PRORP: variants seen among roughly 807,000 people sequenced by gnomAD.
The protein encoded by PRORP is mitochondrial ribonuclease P catalytic subunit.
In PRORP, 51 loss-of-function variants were observed where a neutral mutation model predicts 59.4. That is an observed-to-expected ratio of 0.86 (90% confidence interval 0.69 to 1.08). The LOEUF is 1.08. Ranked by LOEUF, PRORP falls within the 50% of genes least tolerant of loss-of-function variation. The probability of loss-of-function intolerance (pLI) is 0.00; values close to 1 mark genes in which losing one functional copy is unlikely to be tolerated. For missense variants in PRORP, 646 were observed against 690.3 expected, an observed-to-expected ratio of 0.94 and a Z score of 0.72; for synonymous variants, 231 against 245.6, an observed-to-expected ratio of 0.94 and a Z score of 0.55.
intron 6 of PRORP, among the ~76,000 whole-genome samples, chr14:35,267,698 G>A (rs1182014065): frequency 1.3e-5 from 2 of 151,838 alleles, no homozygotes; most frequent in African/African-American, 2.4e-5. Flanking sequence ...GGAGAATGGC[G>A]TGAACCCGGG....
At chr14:35,254,454 G>A (rs145942343) in intron 5 of PRORP, among the ~76,000 whole-genome samples, 6 of 152,208 alleles carry the variant, frequency 3.9e-5, no homozygotes, top group African/African-American at 9.6e-5. Flanking sequence ...GTGCAATGAC[G>A]CAATCTCAGC....
rs530249100 is a variant in PRORP at position 35,223,060 on chromosome 14, C to T, written c.1275+42283C>T. Among the ~76,000 whole-genome samples the T allele has an allele frequency of 9.2e-5, 14 of 152,228 alleles. No homozygotes were observed. In the South Asian group the frequency reaches 2.7e-3, roughly 29 times the overall value. Reference sequence around the variant, plus strand: ...CAGGCTTCCTTTGCTATTACAACACCGAAGCTAACTAGCATACTGTCTTCT... The same window carrying T: ...CAGGCTTCCTTTGCTATTACAACACTGAAGCTAACTAGCATACTGTCTTCT... On this transcript the variant is annotated intron_variant, in intron 5 of 7. Coordinates refer to ENST00000534898, the MANE Select transcript of PRORP (RefSeq NM_014672.4).
At chr14:35,179,218 C>G (rs547968710) in intron 4 of PRORP, among the ~76,000 whole-genome samples, 2 of 152,238 alleles carry the variant, frequency 1.3e-5, no homozygotes, top group East Asian at 1.9e-4. Context: ...AATTATGTAT[C>G]TTGGAGTTGC....
chr14:35,200,661 A>G (rs1344956720), intron 5 of PRORP, among the ~76,000 whole-genome samples: 1 of 151,540 alleles, frequency 6.6e-6, no homozygotes, highest in Non-Finnish European at 1.5e-5. Flanking sequence ...AGAAAATTAT[A>G]TATATGTTAT....
At chr14:35,230,458 G>A (rs2050048837) in intron 5 of PRORP, among the ~76,000 whole-genome samples, 1 of 152,330 alleles carries the variant, frequency 6.6e-6, no homozygotes, top group South Asian at 2.1e-4. Flanking sequence ...ATATCTTTGA[G>A]CGGGAGAAAG....
At chr14:35,125,820 G>C (rs997780953) in intron 2 of PRORP, among the ~76,000 whole-genome samples, 1 of 152,104 alleles carries the variant, frequency 6.6e-6, no homozygotes, top group East Asian at 1.9e-4. Context: ...CCAGGAGTTG[G>C]AGACCAGCCT....
chr14:35,128,378 C>G (rs1451957273), intron 4 of PRORP, among the ~76,000 whole-genome samples: 1 of 150,100 alleles, frequency 6.7e-6, no homozygotes, highest in Non-Finnish European at 1.5e-5. Flanking sequence ...TGGAAGTCTT[C>G]CCTCCTCTAT....
intron 4 of PRORP, among the ~76,000 whole-genome samples, chr14:35,151,692 A>G (rs977855821): frequency 1.8e-4 from 28 of 151,552 alleles, no homozygotes; most frequent in Non-Finnish European, 4.0e-4. Flanking sequence ...CTTTTACTAT[A>G]TATCTTTTCT....
intron 4 of PRORP, among the ~76,000 whole-genome samples, chr14:35,179,978 C>T (rs1457887726): frequency 1.3e-5 from 2 of 152,222 alleles, no homozygotes; most frequent in Non-Finnish European, 2.9e-5. Flanking sequence ...TGCAGGTCTG[C>T]TGGAGTTTGC....
chr14:35,266,987 C>T, intron 6 of PRORP, 112 bp downstream of exon 6: 1 of 917,958 alleles, frequency 1.1e-6, no homozygotes, highest in Non-Finnish European at 1.5e-6. Flanking sequence ...TATACTCACC[C>T]TCATTAAAAA....
intron 5 of PRORP, among the ~76,000 whole-genome samples, chr14:35,233,819 G>T (rs2050140876): frequency 6.6e-6 from 1 of 151,854 alleles, no homozygotes; most frequent in Non-Finnish European, 1.5e-5. Context: ...CTTGATTTAT[G>T]TTCAGTAAAT....
At chr14:35,177,040 A>C (rs2048470475) in intron 4 of PRORP, among the ~76,000 whole-genome samples, 1 of 152,236 alleles carries the variant, frequency 6.6e-6, no homozygotes, top group Non-Finnish European at 1.5e-5. Flanking sequence ...ATGCTGGATT[A>C]CATTTATTGA....
intron 4 of PRORP, among the ~76,000 whole-genome samples, chr14:35,174,220 C>T (rs199561449): frequency 0.01 from 1,531 of 151,650 alleles, 14 homozygotes; most frequent in Non-Finnish European, 0.014. Context: ...ACTACCAAAC[C>T]TTCAAATGTC....
chr14:35,236,324 C>A (rs2050213097), intron 5 of PRORP, among the ~76,000 whole-genome samples: 1 of 152,084 alleles, frequency 6.6e-6, no homozygotes, highest in African/African-American at 2.4e-5. Flanking sequence ...TTTTCTGATT[C>A]TCTTGGATCT....
chr14:35,211,319 C>T (rs1261237369), intron 5 of PRORP, among the ~76,000 whole-genome samples: 2 of 152,134 alleles, frequency 1.3e-5, no homozygotes, highest in African/African-American at 4.8e-5. Context: ...CAGCTTCCCA[C>T]CTCTAAAGCA....
chr14:35,171,425 G>GTT (rs780708860), intron 4 of PRORP, among the ~76,000 whole-genome samples: 6 of 152,258 alleles, frequency 3.9e-5, no homozygotes, highest in Non-Finnish European at 8.8e-5. Context: ...ATTGAAAGCA[G>GTT]TTTTTTGTTG....
intron 5 of PRORP, among the ~76,000 whole-genome samples, chr14:35,263,532 C>G (rs1240711414): frequency 8.0e-6 from 1 of 124,662 alleles, no homozygotes; most frequent in East Asian, 3.0e-4. Flanking sequence ...ACTAAAAATA[C>G]AAAAATTAGC....
intron 7 of PRORP, 62 bp downstream of exon 7, chr14:35,270,658 T>C: frequency 6.9e-7 from 1 of 1,441,000 alleles, no homozygotes; most frequent in African/African-American, 1.4e-5. Context: ...GAATGTGGCA[T>C]AGAAAAAGAG....
chr14:35,252,682 C>T (rs1340645708), intron 5 of PRORP, among the ~76,000 whole-genome samples: 1 of 152,168 alleles, frequency 6.6e-6, no homozygotes, highest in Non-Finnish European at 1.5e-5. Context: ...ATCTCATCTG[C>T]ACTGTTGCCC....
Sources: allele counts gnomAD v4.1 joint callset (sites outside exome capture counted in the v4.1 genomes callset), GRCh38; gene constraint gnomAD v4.1.1; transcripts MANE v1.5; gene names NCBI Gene and HGNC (gene_info 2026-07-23, HGNC 2026-07-21).